Variants in DST observed in about 807,000 individuals in gnomAD.
DST encodes the protein dystonin, also known as bullous pemphigoid antigen.
A neutral mutation model predicts 875.2 loss-of-function variants in DST; 253 were observed. The observed-to-expected ratio is 0.29, with a 90% confidence interval of 0.26 to 0.32. DST has a LOEUF of 0.32. Ranked by LOEUF, DST falls within the 10% of genes least tolerant of loss-of-function variation. The pLI is 1.00. For synonymous variants in DST, 3,124 were observed against 3,197.1 expected, an observed-to-expected ratio of 0.98 and a Z score of 0.77; for missense variants, 8,287 against 9,111.6, an observed-to-expected ratio of 0.91 and a Z score of 3.68.
At chr6:56,460,021 T>G in intron 103 of DST, 110 bp downstream of exon 103, 1 of 1,328,182 alleles carries the variant, frequency 7.5e-7, no homozygotes, top group Non-Finnish European at 1.0e-6. Context: ...ATTTTAAGAC[T>G]ACCTCAGGGT....
At chr6:56,761,166 C>A (rs952523936) in intron 4 of DST, among the ~76,000 whole-genome samples, 2 of 152,224 alleles carry the variant, frequency 1.3e-5, no homozygotes, top group African/African-American at 4.8e-5. Flanking sequence ...CTGCCCTCTG[C>A]CAGTGAGTGA....
Position 56,642,023 on chromosome 6 carries a change from G to T in DST, c.1951C>A (p.Leu651Ile), listed in dbSNP as rs767375796. The change falls in exon 17 of 104, where the codon CTT (leucine) becomes ATT (isoleucine). Residue 651 changes from leucine (L) to isoleucine (I), a missense_variant. Physicochemically the swap from Leu to Ile is conservative, Grantham distance 5 (BLOSUM62 2). This residue lies in a region of DST where 1,160 missense variants were observed against 1,424.3 expected (regional missense o/e 0.81). Coordinates refer to ENST00000680361, the MANE Select transcript of DST (RefSeq NM_001374736.1). ...ACATCAATTACATGCTGGCGTAAAA[G>T]GTTCTCACATTCAAGTATATACCCA... ...IAGYILECEN[L>I]LRQHVIDVQI... 1.3e-5 allele frequency: 21 copies of T among 1,612,660 alleles called. No homozygotes were observed. The highest frequency in any genetic ancestry group is 4.0e-5 in the African/African-American group (3 of 74,890).
At chr6:56,687,454 T>C (rs182960725) in intron 9 of DST, among the ~76,000 whole-genome samples, 1 of 152,332 alleles carries the variant, frequency 6.6e-6, no homozygotes, top group East Asian at 1.9e-4. Flanking sequence ...CTGTGACTTC[T>C]CTGGGCCTCA....
intron 49 of DST, among the ~76,000 whole-genome samples, chr6:56,580,896 C>A (rs2097970515): frequency 6.6e-6 from 1 of 150,720 alleles, no homozygotes; most frequent in African/African-American, 2.4e-5. Context: ...CCATGCCCAG[C>A]TAATTTTTTT....
At position 56,684,162 on chromosome 6, in the gene DST, A is replaced by C. The variant is rs527667894; in HGVS notation, c.1048-13355T>G. The stretch of plus-strand genomic sequence containing the variant: ...GGCAACAGAAGCACCCTATTTTTAC[A>C]GATGCTGTCATGGTTATGGCATGCA... On this transcript the variant is annotated intron_variant, in intron 9 of 103. Coordinates refer to ENST00000680361, the MANE Select transcript of DST (RefSeq NM_001374736.1). 1.3e-4 allele frequency among the ~76,000 whole-genome samples: 20 copies of C among 152,362 alleles called. No homozygotes were observed. In the East Asian group the frequency reaches 3.7e-3, roughly 28 times the overall value.
intron 2 of DST, among the ~76,000 whole-genome samples, chr6:56,918,453 T>C (rs1473468628): frequency 6.6e-6 from 1 of 152,184 alleles, no homozygotes. Flanking sequence ...TTTTCTAGTT[T>C]ATGCACGTAC....
In DST at chr6:56,471,232, G is replaced by A. The variant is rs373258036; in HGVS notation, c.22195C>T (p.Arg7399Cys). Residue 7399 changes from arginine to cysteine, a missense_variant, in exon 95 of 104, where the codon CGC (arginine) becomes TGC (cysteine). Coordinates refer to ENST00000680361, the MANE Select transcript of DST (RefSeq NM_001374736.1). ...EFANFDFDIW[R>C]KKYMRWMNHK... ...TTCATCCATCGCATGTATTTTTTGC[G>A]CCAGATATCAAAATCAAAGTTAGCA... 110 of 1,595,102 alleles carry A rather than the reference G, an allele frequency of 6.9e-5. 2 individuals are homozygous for A. The Admixed American group carries it at 1.3e-3, about 19-fold the overall frequency.
intron 4 of DST, among the ~76,000 whole-genome samples, chr6:56,764,998 G>A (rs1344418852): frequency 1.4e-5 from 2 of 144,468 alleles, no homozygotes; most frequent in Non-Finnish European, 3.0e-5. Context: ...AGGGAGGGAG[G>A]AAGGGAGGGA....
In DST at chr6:56,607,181, C is replaced by T. The variant is rs1345001120; in HGVS notation, c.7447G>A (p.Gly2483Arg). 2 of 1,613,266 alleles carry T rather than the reference C, an allele frequency of 1.2e-6. No individual in the cohort carries two copies. Among genetic ancestry groups the T allele is most frequent in the East Asian group, 2.2e-5 (1 of 44,868 alleles). Residue 2483 changes from glycine (G) to arginine (R), a missense_variant, in exon 40 of 104, where the codon GGA becomes AGA. Transcript: ENST00000680361. ...AGAAACTGGTCTTGAAATTTTTCTC[C>T]TATTCTTTGACCTGACAACATGGTT... ...DKTMLSGQRI[G>R]EKFQDQFLGI...
At chr6:56,943,190 A>T (rs1391776827) in intron 2 of DST, among the ~76,000 whole-genome samples, 3 of 152,244 alleles carry the variant, frequency 2.0e-5, no homozygotes, top group Non-Finnish European at 4.4e-5. Context: ...CAGTTAAAGC[A>T]ATACCACTTG....
intron 4 of DST, among the ~76,000 whole-genome samples, chr6:56,756,531 G>A (rs1175090899): frequency 6.6e-6 from 1 of 152,034 alleles, no homozygotes; most frequent in Non-Finnish European, 1.5e-5. Flanking sequence ...AGGAAGCAGG[G>A]GTCCTAAAAG....
At chr6:56,891,946 C>G (rs1374298218) in intron 3 of DST, among the ~76,000 whole-genome samples, 1 of 152,194 alleles carries the variant, frequency 6.6e-6, no homozygotes, top group Non-Finnish European at 1.5e-5. Context: ...TGAGGCCATC[C>G]TCAGATTCCC....
intron 4 of DST, among the ~76,000 whole-genome samples, chr6:56,839,751 C>T (rs1236321227): frequency 1.3e-5 from 2 of 152,148 alleles, no homozygotes; most frequent in African/African-American, 2.4e-5. Context: ...TGGTAATCTT[C>T]GTTCCTTTTG....
intron 35 of DST, 23 bp downstream of exon 35, chr6:56,625,132 CCT>C: frequency 1.0e-5 from 15 of 1,492,228 alleles, no homozygotes; most frequent in Non-Finnish European, 1.4e-5. Flanking sequence ...TGCCCCTTCC[CCT>C]CTTTCTCTCA....
Position 56,606,695 on chromosome 6 carries a change from G to C in DST, c.7933C>G (p.Gln2645Glu), listed in dbSNP as rs1316839964. 3 of 1,613,416 alleles carry C rather than the reference G, an allele frequency of 1.9e-6. No individual in the cohort carries two copies. Among genetic ancestry groups the C allele is most frequent in the African/African-American group, 2.7e-5 (2 of 74,856 alleles). ...CLHPEDYDTL[Q>E]EENDETASPA... ...GAAGCCGTCTCATCATTTTCCTCTT[G>C]CAGTGTGTCGTAGTCCTCAGGGTGC... The change falls in exon 40 of 104, where the codon CAA becomes GAA. Residue 2645 changes from glutamine (Q) to glutamate (E), a missense_variant. Gln to Glu is a conservative substitution (Grantham distance 29). Around this residue, in one of 10 missense-constraint regions of DST, gnomAD observed 3,138 missense variants for 3,116.6 expected, o/e 1.01. Coordinates refer to ENST00000680361, the MANE Select transcript of DST (RefSeq NM_001374736.1).
intron 4 of DST, among the ~76,000 whole-genome samples, chr6:56,808,056 T>C (rs1411754600): frequency 1.3e-5 from 2 of 152,328 alleles, no homozygotes; most frequent in East Asian, 1.9e-4. Flanking sequence ...TATACGTTAA[T>C]AAACAAGTTC....
Position 56,553,322 on chromosome 6 carries a change from C to T in DST, c.15470G>A (p.Arg5157Lys). The part of the protein sequence containing the change: ...WDTFNKQVKE[R>K]ENKLKESLEK... The stretch of plus-strand genomic sequence containing the variant: ...CAATGACTCTTTTAACTTGTTTTCT[C>T]TTTCTTTCACCTGCTTATTAAATGT... Residue 5157 changes from arginine to lysine, a missense_variant, in exon 61 of 104, where the codon AGA becomes AAA. Physicochemically the swap from Arg to Lys is conservative, Grantham distance 26. Coordinates refer to ENST00000680361, the MANE Select transcript of DST (RefSeq NM_001374736.1). The T allele has an allele frequency of 6.2e-7, 1 of 1,612,716 alleles. No individual in the cohort carries two copies. The highest frequency in any genetic ancestry group is 2.2e-5 in the East Asian group (1 of 44,868).
chr6:56,626,511 A>C (rs997980855), intron 34 of DST, among the ~76,000 whole-genome samples: 2 of 152,208 alleles, frequency 1.3e-5, no homozygotes, highest in African/African-American at 4.8e-5. Flanking sequence ...CTAAGTGTGT[A>C]GAAAGCTGTA....
At chr6:56,800,430 A>G (rs2099745342) in intron 4 of DST, among the ~76,000 whole-genome samples, 1 of 152,208 alleles carries the variant, frequency 6.6e-6, no homozygotes, top group Non-Finnish European at 1.5e-5. Context: ...TATCCATTAT[A>G]ATACTGATAA....
Sources: allele counts gnomAD v4.1 joint callset (sites outside exome capture counted in the v4.1 genomes callset), GRCh38; gene constraint gnomAD v4.1.1; regional missense constraint gnomAD v4.1.1; transcripts MANE v1.5; gene names NCBI Gene and HGNC (gene_info 2026-07-23, HGNC 2026-07-21).